TMTC4: variants seen among roughly 807,000 people sequenced by gnomAD.
TMTC4 encodes transmembrane O-mannosyltransferase targeting cadherins 4.
A neutral mutation model predicts 86.0 loss-of-function variants in TMTC4; 65 were observed. The ratio of observed to expected loss-of-function variants is 0.76; its 90% CI spans 0.62 to 0.93. TMTC4 has a LOEUF of 0.93. Ranked by LOEUF, TMTC4 falls within the 40% of genes least tolerant of loss-of-function variation. The probability of loss-of-function intolerance (pLI) is 0.00; values close to 1 mark genes in which losing one functional copy is unlikely to be tolerated. For synonymous variants in TMTC4, 379 were observed against 382.5 expected, an observed-to-expected ratio of 0.99 and a Z score of 0.11; for missense variants, 866 against 948.1, an observed-to-expected ratio of 0.91 and a Z score of 1.14.
In TMTC4 at chr13:100,663,078, C is replaced by G. The variant is rs544909426; in HGVS notation, c.438G>C (p.Ser146=). The G allele has an allele frequency of 4.3e-6, 7 of 1,614,074 alleles. No homozygotes were observed. Among genetic ancestry groups the G allele is most frequent in the African/African-American group, 1.3e-5 (1 of 74,936 alleles). The change falls in exon 5 of 19, where the codon TCG becomes TCC. Residue 146 remains serine, a synonymous_variant. Coordinates refer to ENST00000342624, the MANE Select transcript of TMTC4 (RefSeq NM_032813.5). ...TGTACTGCAGGCCGCCAAACAGAACCGAGAAGACGTCCACCATGAGGACAG... is the reference window on the plus strand; with the variant it reads ...TGTACTGCAGGCCGCCAAACAGAACGGAGAAGACGTCCACCATGAGGACAG... The part of the protein sequence containing the change: ...GISVLMVDVF[S]VLFGGLQYTS...
At chr13:100,631,555 C>T (rs1881358175) in intron 12 of TMTC4, among the ~76,000 whole-genome samples, 1 of 152,172 alleles carries the variant, frequency 6.6e-6, no homozygotes, top group African/African-American at 2.4e-5. Context: ...TGGCTGAATT[C>T]AATAACTAAT....
At chr13:100,622,702 T>C (rs1179816430) in intron 15 of TMTC4, among the ~76,000 whole-genome samples, 3 of 152,196 alleles carry the variant, frequency 2.0e-5, no homozygotes, top group East Asian at 1.9e-4. Flanking sequence ...TTACCCAGTG[T>C]CAGGTATATC....
rs1335189593 is a variant in TMTC4, at chr13:100,656,363, G to C, written c.640+18C>G. ...CATGAAGAAGGTGGAAAATTAAGAA[G>C]GCAAACAGAATGCTTACTTTCTCTA... On this transcript the variant is annotated intron_variant, in intron 6 of 18. Transcript: ENST00000342624. 6.3e-7 allele frequency: 1 copy of C among 1,598,956 alleles called. No homozygotes were observed. The highest frequency in any genetic ancestry group is 8.5e-7 in the Non-Finnish European group (1 of 1,172,818).
intron 6 of TMTC4, among the ~76,000 whole-genome samples, chr13:100,648,500 C>A (rs1162843993): frequency 6.6e-6 from 1 of 152,106 alleles, no homozygotes; most frequent in East Asian, 1.9e-4. Flanking sequence ...TGTGGTATTT[C>A]GATTGCATGG....
At chr13:100,656,542 C>CTTTTTTTGTTTTTTTTT (rs1885137131) in intron 5 of TMTC4, 74 bp from the exon 6 acceptor site, 1 of 350,206 alleles carries the variant, frequency 2.9e-6, no homozygotes, top group Non-Finnish European at 4.6e-6. Flanking sequence ...GGAGACATAA[C>CTTTTTTTGTTTTTTTTT]TTTTTTTTTT....
intron 6 of TMTC4, among the ~76,000 whole-genome samples, chr13:100,650,133 TAAG>T (rs1185290126): frequency 1.3e-5 from 2 of 152,212 alleles, no homozygotes; most frequent in Non-Finnish European, 2.9e-5. Context: ...TCTCATCTTT[TAAG>T]AAGACAACTT....
At chr13:100,609,646 C>T (rs906901114) in intron 17 of TMTC4, among the ~76,000 whole-genome samples, 1 of 151,098 alleles carries the variant, frequency 6.6e-6, no homozygotes, top group Non-Finnish European at 1.5e-5. Context: ...TAGAGATTCA[C>T]TGAATGATTG....
At position 100,652,102 on chromosome 13, in the gene TMTC4, T is replaced by C. The variant is rs554826144; in HGVS notation, c.640+4279A>G. Among the ~76,000 whole-genome samples, 5 of 151,848 alleles carry C rather than the reference T, an allele frequency of 3.3e-5. No individual in the cohort carries two copies. The East Asian group carries it at 7.7e-4, about 24-fold the overall frequency. On this transcript the variant is annotated intron_variant, in intron 6 of 18. Coordinates refer to ENST00000342624, the MANE Select transcript of TMTC4 (RefSeq NM_032813.5). Reference sequence around the variant, plus strand: ...ATCACTTGAACCTGGGAGGTGGAGGTTGCAGTGAGCCAAGATCGTGCCACT... The same window carrying C: ...ATCACTTGAACCTGGGAGGTGGAGGCTGCAGTGAGCCAAGATCGTGCCACT...
chr13:100,609,684 C>T (rs1366202550), intron 17 of TMTC4, among the ~76,000 whole-genome samples: 12 of 151,472 alleles, frequency 7.9e-5, no homozygotes, highest in Middle Eastern at 3.4e-3. Context: ...TATATATACA[C>T]ACACACACAC....
Position 100,625,870 on chromosome 13 carries a change from C to T in TMTC4, c.1609G>A (p.Ala537Thr). The change falls in exon 14 of 19, where the codon GCC becomes ACC. Residue 537 changes from alanine (A) to threonine (T), a missense_variant. By Grantham distance (58) the Ala-to-Thr change is moderately conservative. Transcript: ENST00000342624. ...AVRLNPKYVH[A>T]MNNLGNILKE... is the part of the protein sequence containing the mutation. ...AAGATATTTCCAAGATTATTCATGG[C>T]ATGAACATACTTGGGATTTAATCTG... 1 of 1,613,464 alleles carries T rather than the reference C, an allele frequency of 6.2e-7. No homozygotes were observed. Among genetic ancestry groups the T allele is most frequent in the Non-Finnish European group, 8.5e-7 (1 of 1,179,964 alleles).
chr13:100,671,513 T>C (rs1474546859), intron 1 of TMTC4, among the ~76,000 whole-genome samples: 1 of 152,198 alleles, frequency 6.6e-6, no homozygotes, highest in African/African-American at 2.4e-5. Context: ...TAAGGCAGAC[T>C]GTGGACCACA....
At chr13:100,674,360 T>C in intron 1 of TMTC4, 2 of 971,368 alleles carry the variant, frequency 2.1e-6, no homozygotes, top group Non-Finnish European at 2.4e-6. Context: ...CGCGGCCAGA[T>C]GGCCGCTCCG....
rs1050182906 is a variant in TMTC4 at position 100,656,320 on chromosome 13, T to C, written c.640+61A>G. On this transcript the variant is annotated intron_variant, in intron 6 of 18. Coordinates refer to ENST00000342624, the MANE Select transcript of TMTC4 (RefSeq NM_032813.5). ...GATTCTTTCCCGTATGTTAAGACAC[T>C]GCTCAACAGGACAAAAACATGAAGA... 66 of 1,461,212 alleles carry C rather than the reference T, an allele frequency of 4.5e-5. No homozygotes were observed. The East Asian group carries it at 1.3e-3, about 30-fold the overall frequency. The allele number at this position is 1,461,212 out of a possible 1,614,324, so 90.5% of individuals were successfully genotyped here.
chr13:100,617,150 G>C (rs1391228985), intron 15 of TMTC4, among the ~76,000 whole-genome samples: 1 of 151,806 alleles, frequency 6.6e-6, no homozygotes, highest in Non-Finnish European at 1.5e-5. Context: ...TAAAGACAGG[G>C]TCTTATTCTG....
chr13:100,629,730 T>C (rs925858995), intron 12 of TMTC4, among the ~76,000 whole-genome samples: 7 of 152,076 alleles, frequency 4.6e-5, no homozygotes, highest in Admixed American at 1.3e-4. Flanking sequence ...TATTTGGAGA[T>C]AGGGTCTTTA....
chr13:100,663,031 T>A lies in TMTC4; in HGVS notation c.485A>T (p.His162Leu), dbSNP rs201599136. ...CAGCAGGGACGCCCTGGGGGCGAGG[T>A]GCAGCCTCCGGCCTTTACTGGTGTA... ...LQYTSKGRRL[H>L]LAPRASLLAA... The change falls in exon 5 of 19, where the codon CAC becomes CTC. Residue 162 changes from histidine (H) to leucine (L), a missense_variant. By Grantham distance (99) the His-to-Leu change is moderately conservative. Transcript: ENST00000342624. The A allele has an allele frequency of 2.6e-4, 420 of 1,613,860 alleles. No individual in the cohort carries two copies. Among genetic ancestry groups the A allele is most frequent in the Non-Finnish European group, 3.4e-4 (402 of 1,180,008 alleles).
intron 17 of TMTC4, among the ~76,000 whole-genome samples, chr13:100,611,745 C>G (rs1877620530): frequency 6.6e-6 from 1 of 152,174 alleles, no homozygotes; most frequent in South Asian, 2.1e-4. Flanking sequence ...CAACCAGTCC[C>G]CTTCAACACA....
intron 17 of TMTC4, among the ~76,000 whole-genome samples, chr13:100,611,454 G>A (rs1307216048): frequency 2.6e-5 from 4 of 152,110 alleles, no homozygotes; most frequent in African/African-American, 7.2e-5. Flanking sequence ...GCGTGGTGGC[G>A]GGCGCCTATA....
chr13:100,606,988 T>C lies in TMTC4; in HGVS notation c.2065-561A>G, dbSNP rs147946428. Among the ~76,000 whole-genome samples the C allele has an allele frequency of 1.9e-3, 292 of 152,322 alleles. 8 individuals are homozygous for C. In the East Asian group the frequency reaches 0.03, roughly 16 times the overall value. ...ACCAAATGCCCCTGATGGGTGTGAA[T>C]TGATTCTTGCACAGCCTTGCATTTC... On this transcript the variant is annotated intron_variant, in intron 17 of 18. Transcript: ENST00000342624.
Sources: allele counts gnomAD v4.1 joint callset (sites outside exome capture counted in the v4.1 genomes callset), GRCh38; gene constraint gnomAD v4.1.1; transcripts MANE v1.5; gene names NCBI Gene and HGNC (gene_info 2026-07-23, HGNC 2026-07-21).